The following CNTNAP2 variants were observed in gnomAD, a reference collection of about 807,000 sequenced individuals.
The protein encoded by CNTNAP2 is contactin-associated protein-like 2.
Under a neutral mutation model 155.2 loss-of-function variants are expected in CNTNAP2, and 98 were observed. That is an observed-to-expected ratio of 0.63 (90% confidence interval 0.54 to 0.75). The LOEUF is 0.75. Among genes scored for constraint, CNTNAP2 ranks in the 30% least tolerant of loss-of-function variants. The pLI is 0.00. For missense variants in CNTNAP2, 1,727 were observed against 1,688.1 expected (o/e 1.02, Z -0.40); for synonymous variants, 651 against 631.2 (o/e 1.03, Z -0.47).
chr7:146,670,523 G>A (rs894613114), intron 1 of CNTNAP2, among the ~76,000 whole-genome samples: 2 of 151,906 alleles, frequency 1.3e-5, no homozygotes, highest in Admixed American at 1.3e-4. Flanking sequence ...AGACAGACTC[G>A]GATTAAAAAA....
intron 18 of CNTNAP2, among the ~76,000 whole-genome samples, chr7:148,205,966 C>T (rs1006436760): frequency 6.6e-5 from 10 of 151,666 alleles, no homozygotes; most frequent in African/African-American, 2.2e-4. Flanking sequence ...TGGTAAGGCA[C>T]GCTTATTTGC....
At chr7:147,531,183 C>G (rs1276859400) in intron 11 of CNTNAP2, among the ~76,000 whole-genome samples, 4 of 152,150 alleles carry the variant, frequency 2.6e-5, no homozygotes, top group Non-Finnish European at 4.4e-5. Context: ...GTGTCTGTGG[C>G]TTTTCCAAGT....
Position 148,409,975 on chromosome 7 carries a change from T to C in CNTNAP2, c.3796+504T>C, listed in dbSNP as rs1198714728. Among the ~76,000 whole-genome samples, 2 of 78,568 alleles carry C rather than the reference T, an allele frequency of 2.5e-5. 1 individual carries two copies. The highest frequency in any genetic ancestry group is 1.2e-4 in the African/African-American group (2 of 16,354). The allele number at this position is 78,568 out of a possible 152,430, so 51.5% of individuals were successfully genotyped here. On this transcript the variant is annotated intron_variant, in intron 23 of 23. Transcript: ENST00000361727. ...CTGAGGCAGGAGAATGGCGTGAACC[T>C]GGGAGGCGGAGCTTGCAGTGAGCCA...
chr7:147,027,042 G>A lies in CNTNAP2; in HGVS notation c.403-16865G>A, dbSNP rs528988639. The stretch of plus-strand genomic sequence containing the variant: ...ACAAAAAAAAGAAAAAAAAAAACTT[G>A]CTTTGGATAACATTTTATGACAATA... On this transcript the variant is annotated intron_variant, in intron 3 of 23. Transcript: ENST00000361727. Among the ~76,000 whole-genome samples, 6 of 147,302 alleles carry A rather than the reference G, an allele frequency of 4.1e-5. No homozygotes were observed. In the South Asian group the frequency reaches 1.3e-3, roughly 32 times the overall value.
chr7:148,082,614 T>C (rs1803634742), intron 15 of CNTNAP2, among the ~76,000 whole-genome samples: 1 of 151,980 alleles, frequency 6.6e-6, no homozygotes, highest in African/African-American at 2.4e-5. Context: ...GATTCGCAGG[T>C]TTAAGGAGAA....
Position 147,554,846 on chromosome 7 carries a change from T to TA in CNTNAP2, c.1778-7280dup, listed in dbSNP as rs796267547. Among the ~76,000 whole-genome samples the TA allele has an allele frequency of 8.5e-3, 1,245 of 145,868 alleles. 14 individuals carry two copies. Among genetic ancestry groups the TA allele is most frequent in the African/African-American group, 0.025 (1,015 of 40,078 alleles). On this transcript the variant is annotated intron_variant, in intron 11 of 23. Transcript: ENST00000361727. ...TTACTCAGGGTATTCATTCAAGCTCTAAAAAAAAAAAATCCAAACAGACAG... is the reference window on the plus strand; with the variant it reads ...TTACTCAGGGTATTCATTCAAGCTCTAAAAAAAAAAAAATCCAAACAGACAG...
At chr7:146,981,801 A>G (rs1798023053) in intron 3 of CNTNAP2, among the ~76,000 whole-genome samples, 2 of 152,118 alleles carry the variant, frequency 1.3e-5, no homozygotes, top group Non-Finnish European at 2.9e-5. Flanking sequence ...TACTTTAAAT[A>G]TTTTTATTTC....
intron 1 of CNTNAP2, among the ~76,000 whole-genome samples, chr7:146,565,351 A>G (rs976869116): frequency 3.3e-5 from 5 of 152,118 alleles, no homozygotes; most frequent in Non-Finnish European, 2.9e-5. Context: ...CTCTTTAGGC[A>G]TTTATTCTGT....
In CNTNAP2 at chr7:148,021,358, T is replaced by G. The variant is rs181895994; in HGVS notation, c.2383+43369T>G. Among the ~76,000 whole-genome samples, 260 of 152,290 alleles carry G rather than the reference T, an allele frequency of 1.7e-3. No individual in the cohort carries two copies. The Middle Eastern group carries it at 0.027, about 16-fold the overall frequency. ...ATGGTTTAGAAGGAAGACACAGTCT[T>G]GTAAACAGGTAAGTAAAATAAAATG... On this transcript the variant is annotated intron_variant, in intron 15 of 23. Transcript: ENST00000361727.
chr7:146,809,539 T>G lies in CNTNAP2; in HGVS notation c.209-30172T>G, dbSNP rs1371290804. Among the ~76,000 whole-genome samples, 3 of 152,032 alleles carry G rather than the reference T, an allele frequency of 2.0e-5. No individual in the cohort carries two copies. The East Asian group carries it at 5.8e-4, about 29-fold the overall frequency. ...ACCACATCTGGCTGATTTTTTTGTA[T>G]TTTTAGTAGAGACGGGGTTTTACCA... On this transcript the variant is annotated intron_variant, in intron 2 of 23. Coordinates refer to ENST00000361727, the MANE Select transcript of CNTNAP2 (RefSeq NM_014141.6).
At chr7:146,465,891 C>T (rs1438090234) in intron 1 of CNTNAP2, among the ~76,000 whole-genome samples, 3 of 151,980 alleles carry the variant, frequency 2.0e-5, no homozygotes, top group South Asian at 2.1e-4. Flanking sequence ...ATCACATATA[C>T]GGTGTATGAA....
intron 10 of CNTNAP2, among the ~76,000 whole-genome samples, chr7:147,425,035 C>T (rs969630410): frequency 6.6e-6 from 1 of 152,094 alleles, no homozygotes; most frequent in Middle Eastern, 3.2e-3. Flanking sequence ...GCCCTGTCCC[C>T]ATGGTCTAAT....
At position 146,406,925 on chromosome 7, in the gene CNTNAP2, A is replaced by T. The variant is rs182110218; in HGVS notation, c.97+289952A>T. 2.3e-3 allele frequency among the ~76,000 whole-genome samples: 352 copies of T among 152,306 alleles called. 3 individuals are homozygous for T. Among genetic ancestry groups the T allele is most frequent in the African/African-American group, 8.2e-3 (340 of 41,562 alleles). On this transcript the variant is annotated intron_variant, in intron 1 of 23. Coordinates refer to ENST00000361727, the MANE Select transcript of CNTNAP2 (RefSeq NM_014141.6). ...TGTTTTTCAATGCATCATTTATGTC[A>T]GAAGTGTTTGAAAAAAGCTGTTACA... is the stretch of plus-strand genomic sequence containing the variant.
At chr7:148,340,439 G>GT (rs1798208053) in intron 21 of CNTNAP2, among the ~76,000 whole-genome samples, 1 of 152,138 alleles carries the variant, frequency 6.6e-6, no homozygotes, top group Non-Finnish European at 1.5e-5. Flanking sequence ...TGCTTGTTTG[G>GT]TTTTCCCCTT....
intron 3 of CNTNAP2, among the ~76,000 whole-genome samples, chr7:147,035,097 G>GA (rs896407448): frequency 3.3e-5 from 5 of 152,062 alleles, no homozygotes; most frequent in Admixed American, 1.3e-4. Flanking sequence ...CTGGTGCTCA[G>GA]AAAAAAAGTC....
intron 10 of CNTNAP2, among the ~76,000 whole-genome samples, chr7:147,455,222 C>T (rs969993144): frequency 2.0e-5 from 3 of 152,106 alleles, no homozygotes; most frequent in African/African-American, 7.2e-5. Flanking sequence ...AATCTCTCTT[C>T]AGCTTTTTAT....
intron 11 of CNTNAP2, among the ~76,000 whole-genome samples, chr7:147,515,531 C>T (rs1225860548): frequency 1.3e-5 from 2 of 151,914 alleles, no homozygotes; most frequent in African/African-American, 4.8e-5. Context: ...CCATGTTGGC[C>T]AGGATGGTCT....
intron 21 of CNTNAP2, among the ~76,000 whole-genome samples, chr7:148,272,195 C>T (rs1051349658): frequency 2.0e-5 from 3 of 152,190 alleles, no homozygotes; most frequent in South Asian, 2.1e-4. Flanking sequence ...CGGATTCTTA[C>T]ATAATTCTGA....
intron 15 of CNTNAP2, among the ~76,000 whole-genome samples, chr7:148,044,240 G>T (rs1243371248): frequency 6.7e-6 from 1 of 148,342 alleles, no homozygotes; most frequent in Non-Finnish European, 1.5e-5. Context: ...TAGTCTCGGG[G>T]TCTCCGTGTT....
Sources: allele counts gnomAD v4.1 joint callset (sites outside exome capture counted in the v4.1 genomes callset), GRCh38; gene constraint gnomAD v4.1.1; transcripts MANE v1.5; gene names NCBI Gene and HGNC (gene_info 2026-07-23, HGNC 2026-07-21).